COL11A1: variants seen among roughly 807,000 people sequenced by gnomAD.
COL11A1 encodes collagen type XI alpha 1 chain, also known as collagen alpha-1(XI) chain.
COL11A1 carries 74 observed loss-of-function variants against 265.2 expected under a neutral mutation model. The observed-to-expected ratio is 0.28, with a 90% CI of 0.23 to 0.34. COL11A1 has a LOEUF of 0.34. Ranked by LOEUF, COL11A1 falls within the 10% of genes least tolerant of loss-of-function variation. The pLI is 1.00. For synonymous variants in COL11A1, 816 were observed against 727.6 expected, an observed-to-expected ratio of 1.12 and a Z score of -1.96; for missense variants, 2,165 against 2,263.6, an observed-to-expected ratio of 0.96 and a Z score of 0.88.
chr1:102,894,705 C>A (rs890219055), intron 57 of COL11A1, among the ~76,000 whole-genome samples: 1 of 152,126 alleles, frequency 6.6e-6, no homozygotes, highest in Non-Finnish European at 1.5e-5. Context: ...CTTAAAAAAA[C>A]AAACTCCAAT....
intron 64 of COL11A1, among the ~76,000 whole-genome samples, chr1:102,882,504 C>A (rs1160168559): frequency 1.3e-5 from 2 of 152,250 alleles, no homozygotes; most frequent in Admixed American, 1.3e-4. Flanking sequence ...ACTTTTCTCC[C>A]AAAACCATTA....
At chr1:103,055,491 C>A (rs1158627547) in intron 4 of COL11A1, among the ~76,000 whole-genome samples, 1 of 152,006 alleles carries the variant, frequency 6.6e-6, no homozygotes, top group Non-Finnish European at 1.5e-5. Context: ...ATTTTGTTTT[C>A]TTTCTTAATT....
chr1:102,923,832 T>C (rs948830172), intron 46 of COL11A1, among the ~76,000 whole-genome samples: 3 of 152,076 alleles, frequency 2.0e-5, no homozygotes, highest in Non-Finnish European at 2.9e-5. Context: ...GTTATAAATA[T>C]CTTCTGAATT....
chr1:102,927,380 G>A (rs76084218), intron 46 of COL11A1, among the ~76,000 whole-genome samples: 8,038 of 152,118 alleles, frequency 0.053, 789 homozygotes, highest in African/African-American at 0.18. Context: ...ACGTTTCCAA[G>A]GTTTATAGGA....
chr1:103,043,056 C>CATGAAATACATCATATATATGAAAT (rs1668948598), intron 4 of COL11A1, among the ~76,000 whole-genome samples: 1 of 111,584 alleles, frequency 9.0e-6, no homozygotes, highest in Admixed American at 8.8e-5. Context: ...ATATATGAAA[C>CATGAAATACATCATATATATGAAAT]ATATATAATG....
At chr1:103,028,824 C>T (rs1249738835) in intron 5 of COL11A1, among the ~76,000 whole-genome samples, 2 of 152,044 alleles carry the variant, frequency 1.3e-5, no homozygotes, top group Admixed American at 6.5e-5. Context: ...ATTGTCACTT[C>T]ATTTTCTGTT....
intron 42 of COL11A1, among the ~76,000 whole-genome samples, chr1:102,943,761 C>T (rs2616010): frequency 0.56 from 84,613 of 151,988 alleles, 24,118 homozygotes; most frequent in East Asian, 0.86. Context: ...TTTCAAACTG[C>T]TATTGCCTAA....
intron 29 of COL11A1, among the ~76,000 whole-genome samples, chr1:102,988,873 C>T (rs1293973084): frequency 1.3e-5 from 2 of 151,974 alleles, no homozygotes; most frequent in Non-Finnish European, 2.9e-5. Flanking sequence ...GATGTTATTG[C>T]CCCCAATCCT....
intron 24 of COL11A1, among the ~76,000 whole-genome samples, chr1:102,999,128 G>A (rs77520679): frequency 1.3e-5 from 2 of 151,818 alleles, no homozygotes; most frequent in African/African-American, 2.4e-5. Context: ...TTATTGTCCA[G>A]GATTCAGAAT....
chr1:102,990,656 AT>A (rs1410204841), intron 28 of COL11A1, among the ~76,000 whole-genome samples: 14 of 152,150 alleles, frequency 9.2e-5, no homozygotes, highest in African/African-American at 3.4e-4. Context: ...AGAAATAGTC[AT>A]TCATGTGTTC....
chr1:103,028,590 G>C (rs1245609872), intron 5 of COL11A1, among the ~76,000 whole-genome samples: 2 of 151,994 alleles, frequency 1.3e-5, no homozygotes, highest in African/African-American at 4.8e-5. Context: ...AAAAAGACAG[G>C]CAGTAATGGA....
At chr1:102,889,698 T>C (rs1651501884) in intron 58 of COL11A1, 136 bp from the exon 59 acceptor site, 1 of 696,950 alleles carries the variant, frequency 1.4e-6, no homozygotes, top group Admixed American at 2.3e-5. Context: ...AAAATACCCT[T>C]CTGAATGAAA....
At chr1:102,918,011 A>G (rs557743349) in intron 49 of COL11A1, among the ~76,000 whole-genome samples, 1 of 151,722 alleles carries the variant, frequency 6.6e-6, no homozygotes, top group African/African-American at 2.4e-5. Context: ...ATTTAAAAGA[A>G]AGGTGGGACA....
At chr1:102,986,746 A>T (rs1022100253) in intron 30 of COL11A1, among the ~76,000 whole-genome samples, 5 of 152,124 alleles carry the variant, frequency 3.3e-5, no homozygotes, top group African/African-American at 1.2e-4. Flanking sequence ...CATGAAGTCA[A>T]ATTTCAATGT....
At chr1:102,933,855 A>T (rs1278318893) in intron 46 of COL11A1, among the ~76,000 whole-genome samples, 2 of 152,180 alleles carry the variant, frequency 1.3e-5, no homozygotes, top group African/African-American at 4.8e-5. Context: ...CCGATTTTCC[A>T]GGTGAGTCCG....
At chr1:102,987,253 G>T (rs912134214) in intron 30 of COL11A1, among the ~76,000 whole-genome samples, 1 of 149,450 alleles carries the variant, frequency 6.7e-6, no homozygotes, top group African/African-American at 2.5e-5. Context: ...ATACATGTAG[G>T]ATATATATAT....
In COL11A1 at chr1:102,943,652, C is replaced by T. The variant is rs555763813; in HGVS notation, c.3276+3197G>A. Among the ~76,000 whole-genome samples the T allele has an allele frequency of 6.5e-4, 99 of 152,162 alleles. 1 individual carries two copies. In the Middle Eastern group the frequency reaches 0.01, roughly 16 times the overall value. ...ACATCACTCTTATTTTAAATGACTC[C>T]CAGACTTACAATTCTGGCACTGATT... On this transcript the variant is annotated intron_variant, in intron 42 of 66. Transcript: ENST00000370096.
chr1:103,052,013 T>C (rs1669873111), intron 4 of COL11A1, among the ~76,000 whole-genome samples: 1 of 152,192 alleles, frequency 6.6e-6, no homozygotes, highest in African/African-American at 2.4e-5. Flanking sequence ...ATTTGTTACC[T>C]ATGTGCTAAA....
intron 4 of COL11A1, among the ~76,000 whole-genome samples, chr1:103,034,092 A>C (rs77096684): frequency 0.013 from 1,917 of 152,170 alleles, 48 homozygotes; most frequent in African/African-American, 0.044. Context: ...AGAATCCTTT[A>C]TATGTTATCA....
Sources: gnomAD v4.1 joint callset for allele counts (sites outside exome capture counted in the v4.1 genomes callset) on GRCh38, gnomAD v4.1.1 for gene constraint, MANE v1.5 for transcripts, NCBI Gene and HGNC (gene_info 2026-07-23, HGNC 2026-07-21) for gene names.